MYRFL: variants seen among roughly 807,000 people sequenced by gnomAD.
MYRFL encodes myelin regulatory factor like.
In MYRFL, 88 loss-of-function variants were observed where a neutral mutation model predicts 109.4. The ratio of observed to expected loss-of-function variants is 0.80; its 90% CI spans 0.68 to 0.96. MYRFL has a LOEUF of 0.96. Among genes scored for constraint, MYRFL ranks in the 40% least tolerant of loss-of-function variants. The pLI is 0.00. For missense variants in MYRFL, 957 were observed against 954.9 expected (o/e 1.00, Z -0.03); for synonymous variants, 324 against 320.9 (o/e 1.01, Z -0.10).
rs1199142264 is a variant in MYRFL, at chr12:69,953,350, CAA to C, written c.2375+467_2375+468del. ...GATAGGAGGAAAAAATCAGATATGG[CAA>C]AAGTTATCGGGACATCCATCTCCAG... On this transcript the variant is annotated intron_variant, in intron 21 of 24. Transcript: ENST00000552032. 3.9e-5 allele frequency among the ~76,000 whole-genome samples: 6 copies of C among 152,190 alleles called. No individual in the cohort carries two copies. The East Asian group carries it at 1.2e-3, about 29-fold the overall frequency.
chr12:69,844,121 G>A (rs1321201190), intron 1 of MYRFL, among the ~76,000 whole-genome samples: 2 of 152,346 alleles, frequency 1.3e-5, no homozygotes, highest in East Asian at 1.9e-4. Context: ...TGACACTGTG[G>A]ATTTATCTTT....
intron 2 of MYRFL, among the ~76,000 whole-genome samples, chr12:69,866,126 A>G (rs990258279): frequency 1.1e-4 from 17 of 152,082 alleles, no homozygotes; most frequent in Non-Finnish European, 8.8e-5. Context: ...CTTTTAGGTT[A>G]ATTGATATTT....
intron 2 of MYRFL, among the ~76,000 whole-genome samples, chr12:69,869,296 T>C (rs1885204207): frequency 6.6e-6 from 1 of 152,170 alleles, no homozygotes; most frequent in Non-Finnish European, 1.5e-5. Context: ...AGGCTTAGTA[T>C]TGTTTTCAAA....
intron 2 of MYRFL, among the ~76,000 whole-genome samples, chr12:69,874,955 G>A (rs1385836043): frequency 6.7e-6 from 1 of 149,704 alleles, no homozygotes; most frequent in Non-Finnish European, 1.5e-5. Flanking sequence ...AGATATAAAT[G>A]TATGTATCTT....
At chr12:69,952,206 T>C in intron 20 of MYRFL, 31 bp downstream of exon 20, 1 of 1,531,304 alleles carries the variant, frequency 6.5e-7, no homozygotes, top group Non-Finnish European at 8.8e-7. Context: ...CACTATTCTT[T>C]GGCTTTGCGG....
chr12:69,940,221 G>A (rs866830028), intron 19 of MYRFL, among the ~76,000 whole-genome samples: 2 of 151,748 alleles, frequency 1.3e-5, no homozygotes, highest in Non-Finnish European at 2.9e-5. Flanking sequence ...GATACTCCTC[G>A]AGAAGAGCAA....
intron 15 of MYRFL, 51 bp from the exon 16 acceptor site, chr12:69,932,462 C>T (rs1592856321): frequency 1.6e-6 from 2 of 1,266,856 alleles, no homozygotes; most frequent in South Asian, 2.6e-5. Context: ...GCTCCCTTCT[C>T]ACAGTTAGAG....
chr12:69,910,183 G>A (rs990533916), intron 12 of MYRFL, 106 bp downstream of exon 12: 3 of 735,542 alleles, frequency 4.1e-6, no homozygotes, highest in Non-Finnish European at 6.4e-6. Flanking sequence ...ACGCTATGTT[G>A]ATCTAACTTG....
intron 1 of MYRFL, among the ~76,000 whole-genome samples, chr12:69,840,437 C>A (rs935272281): frequency 6.6e-6 from 1 of 152,066 alleles, no homozygotes; most frequent in East Asian, 1.9e-4. Context: ...CCATTTTTGA[C>A]CTCTCCTCTC....
chr12:69,882,814 G>C (rs1281221249), intron 5 of MYRFL, among the ~76,000 whole-genome samples: 1 of 152,144 alleles, frequency 6.6e-6, no homozygotes, highest in East Asian at 1.9e-4. Flanking sequence ...AATACAAAAG[G>C]GTTTTCCAGC....
At chr12:69,930,419 G>A (rs1323613540) in intron 15 of MYRFL, among the ~76,000 whole-genome samples, 1 of 152,110 alleles carries the variant, frequency 6.6e-6, no homozygotes, top group Non-Finnish European at 1.5e-5. Context: ...CCTCCAAGAG[G>A]TAGGTGGGTC....
At chr12:69,906,722 A>G (rs889705128) in intron 11 of MYRFL, among the ~76,000 whole-genome samples, 4 of 152,248 alleles carry the variant, frequency 2.6e-5, no homozygotes, top group Admixed American at 1.3e-4. Flanking sequence ...CAAACGCAGA[A>G]GTTCCTTTGC....
rs1283089522 is a variant in MYRFL, at chr12:69,936,168, G to A, written c.1972G>A (p.Val658Ile). The A allele has an allele frequency of 9.9e-6, 14 of 1,410,722 alleles. No individual in the cohort carries two copies. The Admixed American group carries it at 2.8e-4, about 28-fold the overall frequency. The allele number at this position is 1,410,722 out of a possible 1,614,324, so 87.4% of individuals were successfully genotyped here. ...ILSLKDQDRR[V>I]PNLPPSNITS... ...TAGCTTAAAAGATCAAGACCGACGTGTCCCAAATCTCCCTCCAAGGTGAGA... is the reference window on the plus strand; with the variant it reads ...TAGCTTAAAAGATCAAGACCGACGTATCCCAAATCTCCCTCCAAGGTGAGA... Residue 658 changes from valine to isoleucine, a missense_variant, in exon 17 of 25, where the codon GTC becomes ATC. Physicochemically the swap from Val to Ile is conservative, Grantham distance 29. Coordinates refer to ENST00000552032, the MANE Select transcript of MYRFL (RefSeq NM_182530.3).
At position 69,861,045 on chromosome 12, in the gene MYRFL, A is replaced by G. The variant is rs1252092714; in HGVS notation, c.137+5675A>G. ...AGTTTACTGAGAATGATGATTTCCA[A>G]TTTCATCCATGTCCCTACAAAGGAC... On this transcript the variant is annotated intron_variant, in intron 2 of 24. Coordinates refer to ENST00000552032, the MANE Select transcript of MYRFL (RefSeq NM_182530.3). Among the ~76,000 whole-genome samples the G allele has an allele frequency of 2.9e-3, 439 of 148,908 alleles. 2 individuals carry two copies. Among genetic ancestry groups the G allele is most frequent in the African/African-American group, 1.0e-2 (402 of 40,348 alleles).
At position 69,890,608 on chromosome 12, in the gene MYRFL, C is replaced by T. The variant is rs546811114; in HGVS notation, c.708-363C>T. On this transcript the variant is annotated intron_variant, in intron 6 of 24. Coordinates refer to ENST00000552032, the MANE Select transcript of MYRFL (RefSeq NM_182530.3). ...AATTAGCCGGGCGTGGTGGTGTGCACCTGTAGTCCCAGCTTACTCAGGAGG... is the reference window on the plus strand; with the variant it reads ...AATTAGCCGGGCGTGGTGGTGTGCATCTGTAGTCCCAGCTTACTCAGGAGG... Among the ~76,000 whole-genome samples, 17 of 152,208 alleles carry T rather than the reference C, an allele frequency of 1.1e-4. No individual in the cohort carries two copies. In the South Asian group the frequency reaches 3.5e-3, roughly 32 times the overall value.
At chr12:69,949,561 G>A (rs1955921679) in intron 19 of MYRFL, among the ~76,000 whole-genome samples, 1 of 151,946 alleles carries the variant, frequency 6.6e-6, no homozygotes, top group Non-Finnish European at 1.5e-5. Flanking sequence ...CGCGGCCCAT[G>A]GGCCGGCCAC....
intron 1 of MYRFL, among the ~76,000 whole-genome samples, chr12:69,845,953 A>C (rs1407166254): frequency 6.6e-6 from 1 of 152,118 alleles, no homozygotes; most frequent in Non-Finnish European, 1.5e-5. Context: ...ACACCCTTCT[A>C]AATGATGGGA....
chr12:69,833,585 A>G (rs762965755), intron 1 of MYRFL, among the ~76,000 whole-genome samples: 11 of 152,322 alleles, frequency 7.2e-5, no homozygotes, highest in African/African-American at 1.9e-4. Context: ...GCACAACACA[A>G]TGAATGATAA....
At chr12:69,894,065 G>A (rs1406254388) in intron 8 of MYRFL, among the ~76,000 whole-genome samples, 2 of 137,168 alleles carry the variant, frequency 1.5e-5, no homozygotes, top group Non-Finnish European at 3.0e-5. Context: ...GGCGTGCTCT[G>A]GGCTCACTGC....
Sources: allele counts gnomAD v4.1 joint callset (sites outside exome capture counted in the v4.1 genomes callset), GRCh38; gene constraint gnomAD v4.1.1; transcripts MANE v1.5; gene names NCBI Gene and HGNC (gene_info 2026-07-23, HGNC 2026-07-21).